MTUS2: variants seen among roughly 807,000 people sequenced by gnomAD.
MTUS2 encodes microtubule associated scaffold protein 2.
Under a neutral mutation model 114.1 loss-of-function variants are expected in MTUS2, and 40 were observed. That is an observed-to-expected ratio of 0.35 (90% CI 0.27 to 0.46). MTUS2 has a LOEUF of 0.46. MTUS2 is among the 20% of genes least tolerant of loss of function. The pLI is 1.00. For missense variants in MTUS2, 1,679 were observed against 1,705.4 expected, an observed-to-expected ratio of 0.98 and a Z score of 0.27; for synonymous variants, 688 against 672.0, an observed-to-expected ratio of 1.02 and a Z score of -0.37.
At chr13:29,487,440 A>G (rs1881704236) in intron 10 of MTUS2, 1 of 156,556 alleles carries the variant, frequency 6.4e-6, no homozygotes, top group African/African-American at 2.4e-5. Flanking sequence ...GGTGGCTCTG[A>G]GGGTTAAGTA....
chr13:29,207,941 A>G (rs775320643), intron 5 of MTUS2, among the ~76,000 whole-genome samples: 1 of 152,184 alleles, frequency 6.6e-6, no homozygotes, highest in Non-Finnish European at 1.5e-5. Context: ...CTGGCTTCAT[A>G]GAATGATTTA....
intron 7 of MTUS2, among the ~76,000 whole-genome samples, chr13:29,334,364 T>G (rs960800995): frequency 6.6e-6 from 1 of 152,232 alleles, no homozygotes; most frequent in Admixed American, 6.5e-5. Context: ...TTTCCATGTT[T>G]AATGCTTCCT....
Position 29,024,735 on chromosome 13 carries a change from A to G in MTUS2, c.37A>G (p.Thr13Ala), listed in dbSNP as rs1319156155. The change falls in exon 3 of 16, where the codon ACT (threonine) becomes GCT (alanine). Residue 13 changes from threonine to alanine, a missense_variant. Coordinates refer to ENST00000612955, the MANE Select transcript of MTUS2 (RefSeq NM_001033602.4). The part of the protein sequence containing the change: ...VPVAPKKSCY[T>A]QLRDNRNAAR... ...AGTGGCTCCTAAGAAATCATGTTAC[A>G]CTCAGTTGCGGGACAACAGAAATGC... is the stretch of plus-strand genomic sequence containing the variant. 2.5e-6 allele frequency: 4 copies of G among 1,613,876 alleles called. No individual in the cohort carries two copies. The South Asian group carries it at 3.3e-5, about 13-fold the overall frequency.
In MTUS2 at chr13:29,420,244, T is replaced by C. The variant is rs528005333; in HGVS notation, c.3118-19739T>C. Among the ~76,000 whole-genome samples the C allele has an allele frequency of 1.1e-4, 16 of 148,622 alleles. 1 individual carries two copies. In the South Asian group the frequency reaches 2.7e-3, roughly 25 times the overall value. On this transcript the variant is annotated intron_variant, in intron 8 of 15. Coordinates refer to ENST00000612955, the MANE Select transcript of MTUS2 (RefSeq NM_001033602.4). ...TTCCTTCCTTCCTTAACTTACTTTC[T>C]TTCTTTCTTTCTTTCTTTTTCTTTC...
intron 2 of MTUS2, among the ~76,000 whole-genome samples, chr13:28,947,079 A>C (rs763944014): frequency 8.5e-5 from 13 of 152,156 alleles, no homozygotes; most frequent in Non-Finnish European, 1.6e-4. Context: ...ATTTTTACTT[A>C]ACTGTGCTCT....
chr13:29,316,802 T>C (rs1900009308), intron 6 of MTUS2, among the ~76,000 whole-genome samples: 1 of 152,172 alleles, frequency 6.6e-6, no homozygotes, highest in African/African-American at 2.4e-5. Context: ...TGGACAGGTG[T>C]CAGGTGAGGT....
chr13:29,446,304 G>A (rs1878275955), intron 9 of MTUS2, among the ~76,000 whole-genome samples: 1 of 152,178 alleles, frequency 6.6e-6, no homozygotes, highest in African/African-American at 2.4e-5. Context: ...AAGTCATAGG[G>A]TTTTAGGGCT....
rs73168226 is a variant in MTUS2, at chr13:29,265,139, G to A, written c.2645-16565G>A. ...AGCCACGCTATACCTTAGACACTTT[G>A]CTGTTGAGAAATTTCTTCCACCAAA... On this transcript the variant is annotated intron_variant, in intron 5 of 15. Transcript: ENST00000612955. Among the ~76,000 whole-genome samples the A allele has an allele frequency of 4.5e-3, 691 of 152,296 alleles. 6 individuals carry two copies. Among genetic ancestry groups the A allele is most frequent in the South Asian group, 0.015 (73 of 4,832 alleles).
chr13:29,484,519 C>T (rs1881447894), intron 10 of MTUS2, among the ~76,000 whole-genome samples: 1 of 152,236 alleles, frequency 6.6e-6, no homozygotes, highest in African/African-American at 2.4e-5. Flanking sequence ...AAAGGCACAG[C>T]CCCGCATGGG....
intron 2 of MTUS2, among the ~76,000 whole-genome samples, chr13:28,941,486 TATTTTTGCAAA>T (rs1036601168): frequency 6.6e-6 from 1 of 152,128 alleles, no homozygotes; most frequent in Non-Finnish European, 1.5e-5. Flanking sequence ...TATCTTTTTA[TATTTTTGCAAA>T]ATTTGCAAAA....
chr13:29,102,557 A>C (rs1890467043), intron 5 of MTUS2, among the ~76,000 whole-genome samples: 1 of 152,210 alleles, frequency 6.6e-6, no homozygotes, highest in Non-Finnish European at 1.5e-5. Context: ...GCCAGAGAAA[A>C]TAACTCCCAG....
chr13:29,187,999 G>T (rs913453310), intron 5 of MTUS2, among the ~76,000 whole-genome samples: 1 of 152,154 alleles, frequency 6.6e-6, no homozygotes, highest in African/African-American at 2.4e-5. Context: ...GAAGCTACCA[G>T]GACCTTGGCT....
At chr13:28,986,314 A>G (rs1224442445) in intron 2 of MTUS2, among the ~76,000 whole-genome samples, 1 of 152,068 alleles carries the variant, frequency 6.6e-6, no homozygotes, top group Non-Finnish European at 1.5e-5. Context: ...TGATTCATGG[A>G]GAGGTGTTAA....
At position 29,476,367 on chromosome 13, in the gene MTUS2, C is replaced by CGTT. The variant is rs1566223693; in HGVS notation, c.3185-3783_3185-3782insGTT. 5 of 1,250 alleles carry CGTT rather than the reference C, an allele frequency of 4.0e-3. No homozygotes were observed. The Admixed American group carries it at 0.083, about 21-fold the overall frequency. The allele number at this position is 1,250 out of a possible 1,614,324, so 0.1% of individuals were successfully genotyped here. A position where few individuals can be genotyped will look rare whatever the true frequency, so the allele number is the denominator to read the frequency against. On this transcript the variant is annotated intron_variant, in intron 9 of 15. Transcript: ENST00000612955. ...TACAACAGTGTTGTGGTAGGGTTTT[C>CGTT]ATTGTTTTATTTTGCCAGCATTTAT...
chr13:28,883,045 GAA>G (rs758797742), intron 2 of MTUS2, among the ~76,000 whole-genome samples: 1 of 152,142 alleles, frequency 6.6e-6, no homozygotes, highest in Non-Finnish European at 1.5e-5. Context: ...AATAAGACAC[GAA>G]AAGATGTTCA....
At chr13:28,853,259 T>C (rs948523442) in intron 2 of MTUS2, among the ~76,000 whole-genome samples, 29 of 152,210 alleles carry the variant, frequency 1.9e-4, no homozygotes, top group African/African-American at 6.8e-4. Context: ...TGATGATATA[T>C]TTGTTAACTT....
chr13:28,989,124 G>C (rs531982124), intron 2 of MTUS2, among the ~76,000 whole-genome samples: 1 of 152,274 alleles, frequency 6.6e-6, no homozygotes, highest in Admixed American at 6.5e-5. Flanking sequence ...ATTGATTCCT[G>C]ATAACTTAAG....
chr13:29,502,682 C>T (rs1195409399), intron 15 of MTUS2, among the ~76,000 whole-genome samples: 1 of 152,286 alleles, frequency 6.6e-6, no homozygotes, highest in Admixed American at 6.5e-5. Context: ...AGCATACCCA[C>T]TCCAGCTCTC....
At chr13:28,900,891 G>A (rs368408328) in intron 2 of MTUS2, among the ~76,000 whole-genome samples, 8 of 152,100 alleles carry the variant, frequency 5.3e-5, no homozygotes, top group African/African-American at 1.7e-4. Context: ...TCATTTCTCT[G>A]GAGTAAATGC....
Sources: allele counts gnomAD v4.1 joint callset (sites outside exome capture counted in the v4.1 genomes callset), GRCh38; gene constraint gnomAD v4.1.1; transcripts MANE v1.5; gene names NCBI Gene and HGNC (gene_info 2026-07-23, HGNC 2026-07-21).